DCX: variants seen among roughly 807,000 people sequenced by gnomAD.
The protein encoded by DCX is neuronal migration protein doublecortin.
Under a neutral mutation model 20.9 loss-of-function variants are expected in DCX, and 4 were observed. The ratio of observed to expected loss-of-function variants is 0.19; its 90% CI spans 0.09 to 0.44. The LOEUF (loss-of-function observed/expected upper bound fraction) is 0.44. Among genes scored for constraint, DCX ranks in the 20% least tolerant of loss-of-function variants. The pLI, the probability that DCX is intolerant of heterozygous loss-of-function variation, is 0.99. For synonymous variants in DCX, 103 were observed against 111.4 expected (o/e 0.92, Z 0.47); for missense variants, 133 against 296.9 (o/e 0.45, Z 4.06).
intron 3 of DCX, among the ~76,000 whole-genome samples, chrX:111,347,964 C>A (rs1243717155): frequency 8.9e-6 from 1 of 111,900 alleles, no homozygotes; most frequent in Non-Finnish European, 1.9e-5. Context: ...AATAGTTTAT[C>A]TTTGAATGGT....
chrX:111,370,088 C>T (rs1329407178), intron 3 of DCX, among the ~76,000 whole-genome samples: 1 of 111,820 alleles, frequency 8.9e-6, no homozygotes, highest in Non-Finnish European at 1.9e-5. Context: ...CCAAAACATA[C>T]CCAAAGACAA....
intron 3 of DCX, among the ~76,000 whole-genome samples, chrX:111,365,622 GT>G (rs893669315): frequency 2.9e-5 from 3 of 105,177 alleles, no homozygotes; most frequent in African/African-American, 1.0e-4. Flanking sequence ...CCCGCTTCCA[GT>G]CCCCCACTAC....
chrX:111,344,267 C>T (rs1192161195), intron 3 of DCX, among the ~76,000 whole-genome samples: 1 of 111,711 alleles, frequency 9.0e-6, no homozygotes, highest in East Asian at 2.8e-4. Flanking sequence ...TTATAACAAA[C>T]CCACAGCCAA....
chrX:111,331,166 T>C, intron 4 of DCX, 125 bp from the exon 5 acceptor site: 2 of 810,007 alleles, frequency 2.5e-6, no homozygotes, highest in Non-Finnish European at 3.7e-6. Context: ...TACAATGTGG[T>C]CCTTATTATT....
intron 6 of DCX, among the ~76,000 whole-genome samples, chrX:111,307,428 T>C (rs768468123): frequency 9.0e-6 from 1 of 110,822 alleles, no homozygotes; most frequent in East Asian, 2.8e-4. Context: ...TATTACTATG[T>C]TATGACTATT....
rs12556297 is a variant in DCX, at chrX:111,324,710, T to C, written c.946+6194A>G. ...GGAGCTATATAAGTATTTGTAAATATATTTTTAAAATTTACATGTATACTG... is the reference window on the plus strand; with the variant it reads ...GGAGCTATATAAGTATTTGTAAATACATTTTTAAAATTTACATGTATACTG... On this transcript the variant is annotated intron_variant, in intron 5 of 6. Transcript: ENST00000636035. 5.5e-3 allele frequency among the ~76,000 whole-genome samples: 617 copies of C among 112,389 alleles called. 14 individuals are homozygous for C. Among genetic ancestry groups the C allele is most frequent in the Admixed American group, 0.051 (539 of 10,586 alleles).
At chrX:111,402,913 G>T (rs1444572652) in intron 2 of DCX, among the ~76,000 whole-genome samples, 4 of 109,463 alleles carry the variant, frequency 3.7e-5, no homozygotes, top group African/African-American at 1.3e-4. Context: ...GGGGGACAAA[G>T]GGATGGTTTT....
chrX:111,397,512 C>T (rs750036162), intron 3 of DCX, among the ~76,000 whole-genome samples: 7 of 111,748 alleles, frequency 6.3e-5, no homozygotes, highest in Non-Finnish European at 1.3e-4. Flanking sequence ...CATCACCAGA[C>T]CTGGGAAATG....
In DCX at chrX:111,410,954, A is replaced by G. The variant is rs761684794; in HGVS notation, c.-22-534T>C. On this transcript the variant is annotated intron_variant, in intron 1 of 6. Transcript: ENST00000636035. ...GTCTTTGCATTTCAGTACAATGACT[A>G]TGAAGGGGGAGTGTTTTCATTTTAT... 8 of 1,206,961 alleles carry G rather than the reference A, an allele frequency of 6.6e-6. No individual in the cohort carries two copies. The East Asian group carries it at 1.5e-4, about 22-fold the overall frequency.
chrX:111,334,797 A>T (rs189274205), intron 3 of DCX, among the ~76,000 whole-genome samples: 102 of 112,141 alleles, frequency 9.1e-4, no homozygotes, highest in African/African-American at 3.2e-3. Context: ...ATGAGGTGAG[A>T]TACATCGAAA....
At chrX:111,304,108 C>T (rs182474170) in intron 6 of DCX, among the ~76,000 whole-genome samples, 28 of 111,858 alleles carry the variant, frequency 2.5e-4, no homozygotes, top group Non-Finnish European at 5.1e-4. Context: ...ACTAGAAATG[C>T]AACAAATACA....
At chrX:111,320,460 T>A (rs191425118) in intron 5 of DCX, among the ~76,000 whole-genome samples, 42 of 111,794 alleles carry the variant, frequency 3.8e-4, no homozygotes, top group Non-Finnish European at 6.6e-4. Flanking sequence ...CTGTTTGATA[T>A]CCTTCATTTT....
intron 1 of DCX, chrX:111,411,245 C>T (rs1928693290): frequency 3.0e-6 from 1 of 328,918 alleles, no homozygotes; most frequent in Admixed American, 4.8e-5. Flanking sequence ...TTTTTCCCCC[C>T]CAGGTGCTCC....
Position 111,297,057 on chromosome X carries a change from AC to A in DCX, c.*4629del, listed in dbSNP as rs1299681576. The A allele has an allele frequency of 8.9e-6, 1 of 111,981 alleles. No homozygotes were observed. Among genetic ancestry groups the A allele is most frequent in the Non-Finnish European group, 1.9e-5 (1 of 53,221 alleles). 9.2% of individuals were successfully genotyped at this position (111,981 alleles called of 1,213,427 possible). A position where few individuals can be genotyped will look rare whatever the true frequency, so the allele number is the denominator to read the frequency against. On this transcript the variant is annotated 3_prime_UTR_variant, in exon 7 of 7. Transcript: ENST00000636035. ...AAAACACTTATGGTTCACTTGGGAG[AC>A]CAGTCTGGGACTTAAAGCCAAAGCC...
chrX:111,399,641 T>A (rs1428637996), intron 3 of DCX, among the ~76,000 whole-genome samples: 1 of 111,899 alleles, frequency 8.9e-6, no homozygotes, highest in Admixed American at 9.5e-5. Flanking sequence ...ATCCAATGAT[T>A]CTAAACTTTC....
chrX:111,306,034 T>C (rs188064245), intron 6 of DCX, among the ~76,000 whole-genome samples: 15 of 111,401 alleles, frequency 1.3e-4, no homozygotes, highest in African/African-American at 4.9e-4. Context: ...AAAAATGATA[T>C]AACATATATA....
intron 3 of DCX, among the ~76,000 whole-genome samples, chrX:111,374,337 T>C (rs1191964469): frequency 2.7e-5 from 3 of 112,479 alleles, no homozygotes; most frequent in African/African-American, 6.5e-5. Flanking sequence ...AGAAGCTTTC[T>C]GTTATCCATA....
Position 111,368,901 on chromosome X carries a change from T to TACACACACAC in DCX, c.705+32079_705+32088dup, listed in dbSNP as rs200777698. On this transcript the variant is annotated intron_variant, in intron 3 of 6. Transcript: ENST00000636035. ...CTAATACGGGATATATATATATACA[T>TACACACACAC]ACACACACACACACACACACACACA... 4.4e-3 allele frequency among the ~76,000 whole-genome samples: 431 copies of TACACACACAC among 98,260 alleles called. 4 individuals are homozygous for TACACACACAC. Among genetic ancestry groups the TACACACACAC allele is most frequent in the African/African-American group, 0.015 (404 of 26,495 alleles). 85.3% of individuals were successfully genotyped at this position (98,260 alleles called of 115,157 possible).
At chrX:111,333,899 G>T (rs1178924854) in intron 3 of DCX, among the ~76,000 whole-genome samples, 2 of 111,773 alleles carry the variant, frequency 1.8e-5, no homozygotes, top group African/African-American at 6.5e-5. Flanking sequence ...GAGGGTCCCT[G>T]GGAAAGTATG....
Sources: gnomAD v4.1 joint callset for allele counts (sites outside exome capture counted in the v4.1 genomes callset) on GRCh38, gnomAD v4.1.1 for gene constraint, MANE v1.5 for transcripts, NCBI Gene and HGNC (gene_info 2026-07-23, HGNC 2026-07-21) for gene names.